PIEZO1: variants seen among roughly 807,000 people sequenced by gnomAD.
The protein encoded by PIEZO1 is piezo type mechanosensitive ion channel component 1 (Er blood group), also known as piezo-type mechanosensitive ion channel component 1.
A neutral mutation model predicts 297.2 loss-of-function variants in PIEZO1; 296 were observed. The observed-to-expected ratio is 1.00, with a 90% CI of 0.91 to 1.10. The LOEUF is 1.10. Among genes scored for constraint, PIEZO1 ranks in the 50% least tolerant of loss-of-function variants. The pLI is 0.00. For missense variants in PIEZO1, 5,018 were observed against 3,455.5 expected (o/e 1.45, Z -11.34); for synonymous variants, 2,427 against 1,507.5 (o/e 1.61, Z -14.13).
At chr16:88,767,291 C>CTGAG (rs1223612312) in intron 1 of PIEZO1, among the ~76,000 whole-genome samples, 2 of 152,162 alleles carry the variant, frequency 1.3e-5, no homozygotes, top group Non-Finnish European at 2.9e-5. Flanking sequence ...TGTGGCTGTG[C>CTGAG]TGAGACCCCT....
chr16:88,774,271 A>C (rs1907557614), intron 1 of PIEZO1, among the ~76,000 whole-genome samples: 2 of 152,222 alleles, frequency 1.3e-5, no homozygotes, highest in Admixed American at 1.3e-4. Flanking sequence ...CATGCCTGTA[A>C]TCCCAGCTAC....
chr16:88,747,761 C>A (rs1906140477), intron 2 of PIEZO1, among the ~76,000 whole-genome samples: 1 of 152,192 alleles, frequency 6.6e-6, no homozygotes, highest in Non-Finnish European at 1.5e-5. Flanking sequence ...GACCTTAAAC[C>A]AGGGAAGTCG....
intron 22 of PIEZO1, among the ~76,000 whole-genome samples, chr16:88,730,994 G>C (rs1041024249): frequency 6.6e-6 from 1 of 151,448 alleles, no homozygotes; most frequent in Non-Finnish European, 1.5e-5. Flanking sequence ...GGACGCCCCT[G>C]AGCCGGCCAC....
intron 30 of PIEZO1, among the ~76,000 whole-genome samples, chr16:88,724,198 G>T (rs1411996584): frequency 2.6e-5 from 4 of 152,254 alleles, no homozygotes; most frequent in African/African-American, 9.6e-5. Context: ...GCCGACTGCA[G>T]AGGACCGGGG....
intron 1 of PIEZO1, among the ~76,000 whole-genome samples, chr16:88,774,763 C>T (rs888462167): frequency 1.4e-4 from 21 of 152,192 alleles, no homozygotes; most frequent in African/African-American, 4.6e-4. Flanking sequence ...GGGTTCCCTG[C>T]AGGATTCCGC....
chr16:88,735,534 C>T (rs989877296), intron 12 of PIEZO1, among the ~76,000 whole-genome samples: 18 of 152,270 alleles, frequency 1.2e-4, no homozygotes, highest in African/African-American at 3.6e-4. Flanking sequence ...TCCATGCACG[C>T]ACCTGCACAC....
rs746444593 is a variant in PIEZO1, at chr16:88,716,417, G to C, written c.6993C>G (p.Asn2331Lys). 8.4e-6 allele frequency: 13 copies of C among 1,549,660 alleles called. No individual in the cohort carries two copies. In the Admixed American group the frequency reaches 1.6e-4, roughly 19 times the overall value. ...TGGCCAGCTGCCGCCGTGCAGTGCT[G>C]TTGGGGGCCAGGGCCAGCATGTGCT... is the stretch of plus-strand genomic sequence containing the variant. ...NEKHMLALAP[N>K]STARRQLASL... Residue 2331 changes from asparagine to lysine, a missense_variant, in exon 48 of 51, where the codon AAC (asparagine) becomes AAG (lysine). By Grantham distance (94) the Asn-to-Lys change is moderately conservative. Transcript: ENST00000301015.
rs1243789415 is a variant in PIEZO1, at chr16:88,732,549, G to A, written c.2791-14C>T. The A allele has an allele frequency of 1.9e-6, 3 of 1,543,050 alleles. No homozygotes were observed. The highest frequency in any genetic ancestry group is 2.6e-6 in the Non-Finnish European group (3 of 1,141,140). On this transcript the variant is annotated splice_polypyrimidine_tract_variant and intron_variant, in intron 20 of 50. Transcript: ENST00000301015. The stretch of plus-strand genomic sequence containing the variant: ...TTGCAGGTGGTTCTGCGGAGGGCAA[G>A]GGTCAGGGGGCAGCCGGGTACTCGC...
In PIEZO1 at chr16:88,741,504, G is replaced by A. The variant is rs763040081; in HGVS notation, c.439C>T (p.Arg147Trp). ...AGCTCCCGTGGATGTGGGCTCTGCC[G>A]GGTGTTCCTTGCAAGGCGCCCGCAG... ...GICGRLARNT[R>W]QSPHPRELDD... The change falls in exon 5 of 51, where the codon CGG becomes TGG. Residue 147 changes from arginine (R) to tryptophan (W), a missense_variant. Physicochemically the swap from Arg to Trp is moderately radical, Grantham distance 101. Coordinates refer to ENST00000301015, the MANE Select transcript of PIEZO1 (RefSeq NM_001142864.4). 22 of 1,535,566 alleles carry A rather than the reference G, an allele frequency of 1.4e-5. No homozygotes were observed. Among genetic ancestry groups the A allele is most frequent in the African/African-American group, 1.4e-4 (10 of 73,050 alleles).
rs762232853 is a variant in PIEZO1 at position 88,733,944 on chromosome 16, C to T, written c.2291G>A (p.Gly764Asp). ...EEEDSRDEGL[G>D]VATPHQATQV... ...CGTGGCCTGGTGGGGAGTGGCCACGCCCAGCCCCTCGTCCCTGGAGTCCTC... is the reference window on the plus strand; with the variant it reads ...CGTGGCCTGGTGGGGAGTGGCCACGTCCAGCCCCTCGTCCCTGGAGTCCTC... Residue 764 changes from glycine to aspartate, a missense_variant, in exon 17 of 51, where the codon GGC (glycine) becomes GAC (aspartate). By Grantham distance (94) the Gly-to-Asp change is moderately conservative. Coordinates refer to ENST00000301015, the MANE Select transcript of PIEZO1 (RefSeq NM_001142864.4). 1.9e-6 allele frequency: 3 copies of T among 1,544,656 alleles called. No individual in the cohort carries two copies. The South Asian group carries it at 3.6e-5, about 18-fold the overall frequency.
chr16:88,784,737 G>A (rs926514374), intron 1 of PIEZO1, among the ~76,000 whole-genome samples, 164 bp downstream of exon 1: 1 of 151,538 alleles, frequency 6.6e-6, no homozygotes, highest in Non-Finnish European at 1.5e-5. Flanking sequence ...CGCCTGGCGC[G>A]CTCATGCTTC....
chr16:88,736,895 T>A, intron 10 of PIEZO1, 156 bp from the exon 11 acceptor site: 1 of 523,760 alleles, frequency 1.9e-6, no homozygotes, highest in Non-Finnish European at 3.4e-6. Context: ...GCAATTGGGC[T>A]GACACCGTCC....
At chr16:88,783,746 T>C (rs1284211142) in intron 1 of PIEZO1, among the ~76,000 whole-genome samples, 1 of 152,224 alleles carries the variant, frequency 6.6e-6, no homozygotes, top group African/African-American at 2.4e-5. Flanking sequence ...TCAATGGTTT[T>C]CATTGATTCC....
At chr16:88,757,327 T>TGGG (rs200851830) in intron 1 of PIEZO1, among the ~76,000 whole-genome samples, 1 of 42,698 alleles carries the variant, frequency 2.3e-5, no homozygotes, top group Non-Finnish European at 5.2e-5. Flanking sequence ...GGCGGGGGGG[T>TGGG]GGGGGGTAGT....
In PIEZO1 at chr16:88,738,617, C is replaced by A. The variant is rs1905422493; in HGVS notation, c.585G>T (p.Leu195=). ...CCAGGACCCGCCCAGCCGCCACCAG[C>A]AGCCAGTGGGCCGTGACTCGGAAAC... ...AARFRVTAHW[L]LVAAGRVLAV... The change falls in exon 6 of 51, where the codon CTG becomes CTT. Residue 195 remains leucine, a synonymous_variant. Coordinates refer to ENST00000301015, the MANE Select transcript of PIEZO1 (RefSeq NM_001142864.4). 6.5e-7 allele frequency: 1 copy of A among 1,535,538 alleles called. No individual in the cohort carries two copies. Among genetic ancestry groups the A allele is most frequent in the African/African-American group, 1.4e-5 (1 of 73,056 alleles).
intron 1 of PIEZO1, among the ~76,000 whole-genome samples, chr16:88,784,207 C>G (rs1255433710): frequency 1.3e-5 from 2 of 152,260 alleles, no homozygotes; most frequent in African/African-American, 4.8e-5. Flanking sequence ...GACACCAGGC[C>G]ACAGCCTCCG....
Position 88,720,768 on chromosome 16 carries a change from T to TCTGCCTGGG in PIEZO1, c.5669-29_5669-21dup. On this transcript the variant is annotated intron_variant, in intron 39 of 50. Transcript: ENST00000301015. The stretch of plus-strand genomic sequence containing the variant: ...CAGCTTCTGTAGGGAAAAGCTGACT[T>TCTGCCTGGG]CTGCCTGGGCCCCCTGGGGACTGGG... 1.1e-5 allele frequency: 16 copies of TCTGCCTGGG among 1,466,722 alleles called. No homozygotes were observed. The highest frequency in any genetic ancestry group is 1.4e-5 in the Non-Finnish European group (16 of 1,110,284). The allele number at this position is 1,466,722 out of a possible 1,614,324, so 90.9% of individuals were successfully genotyped here.
chr16:88,733,075 C>T (rs1904975593), intron 19 of PIEZO1: 1 of 603,600 alleles, frequency 1.7e-6, no homozygotes, highest in African/African-American at 1.9e-5. Flanking sequence ...ACTGGACACC[C>T]TTGTGTGCAG....
At chr16:88,770,556 G>A (rs1907377241) in intron 1 of PIEZO1, among the ~76,000 whole-genome samples, 1 of 152,234 alleles carries the variant, frequency 6.6e-6, no homozygotes, top group Non-Finnish European at 1.5e-5. Context: ...GGCCGTTAGT[G>A]CGGGGGCCCC....
Sources: allele counts gnomAD v4.1 joint callset (sites outside exome capture counted in the v4.1 genomes callset), GRCh38; gene constraint gnomAD v4.1.1; transcripts MANE v1.5; gene names NCBI Gene and HGNC (gene_info 2026-07-23, HGNC 2026-07-21).